GDPD5: variants seen among roughly 807,000 people sequenced by gnomAD.
GDPD5 encodes the protein glycerophosphodiester phosphodiesterase 2.
A neutral mutation model predicts 75.1 loss-of-function variants in GDPD5; 48 were observed. That is an observed-to-expected ratio of 0.64 (90% CI 0.51 to 0.81). The LOEUF is 0.81. Among genes scored for constraint, GDPD5 ranks in the 40% least tolerant of loss-of-function variants. The probability of loss-of-function intolerance (pLI) is 0.00; values close to 1 mark genes in which losing one functional copy is unlikely to be tolerated. For missense variants in GDPD5, 706 were observed against 822.6 expected, an observed-to-expected ratio of 0.86 and a Z score of 1.73; for synonymous variants, 336 against 339.0, an observed-to-expected ratio of 0.99 and a Z score of 0.10.
intron 1 of GDPD5, among the ~76,000 whole-genome samples, chr11:75,493,787 C>T (rs1950158546): frequency 6.6e-6 from 1 of 152,206 alleles, no homozygotes; most frequent in African/African-American, 2.4e-5. Context: ...AAGCAAGCAT[C>T]TCTATTCCGG....
chr11:75,481,851 T>C (rs1429752354), intron 2 of GDPD5, among the ~76,000 whole-genome samples: 1 of 152,106 alleles, frequency 6.6e-6, no homozygotes, highest in Non-Finnish European at 1.5e-5. Context: ...ATTGACTTGC[T>C]CTGTGGCTGG....
intron 1 of GDPD5, among the ~76,000 whole-genome samples, chr11:75,505,146 A>C (rs1179778276): frequency 6.6e-6 from 1 of 151,612 alleles, no homozygotes; most frequent in Non-Finnish European, 1.5e-5. Flanking sequence ...AACAAAAAAA[A>C]CCTCTCACTC....
Position 75,439,902 on chromosome 11 carries a change from G to A in GDPD5, c.1533C>T (p.Ile511=), listed in dbSNP as rs200781096. ...ACTTCTGGAGCACGAAGATGCCCACGATGAGGGTGAAGGAGACCAGGTCGG... is the reference window on the plus strand; with the variant it reads ...ACTTCTGGAGCACGAAGATGCCCACAATGAGGGTGAAGGAGACCAGGTCGG... The part of the protein sequence containing the change: ...VTADLVSFTL[I]VGIFVLQKWR... Residue 511 remains isoleucine, a synonymous_variant, in exon 15 of 17, where the codon ATC becomes ATT. Transcript: ENST00000336898. 112 of 1,613,950 alleles carry A rather than the reference G, an allele frequency of 6.9e-5. No homozygotes were observed. Among genetic ancestry groups the A allele is most frequent in the African/African-American group, 3.5e-4 (26 of 75,048 alleles).
At chr11:75,442,318 C>T in intron 12 of GDPD5, 45 bp downstream of exon 12, 3 of 1,446,834 alleles carry the variant, frequency 2.1e-6, no homozygotes, top group Non-Finnish European at 2.8e-6. Context: ...AGGGCTCTAG[C>T]CAGGCCAGGG....
Position 75,446,702 on chromosome 11 carries a change from A to G in GDPD5, c.715-2207T>C, listed in dbSNP as rs138928953. ...GCACTTGGGCTCACCACACACAGAC[A>G]TGTGGACCCAGAGTCAGAGCCCCCC... On this transcript the variant is annotated intron_variant, in intron 9 of 16. Coordinates refer to ENST00000336898, the MANE Select transcript of GDPD5 (RefSeq NM_030792.8). 4.8e-3 allele frequency among the ~76,000 whole-genome samples: 730 copies of G among 152,278 alleles called. 3 individuals are homozygous for G. Among genetic ancestry groups the G allele is most frequent in the Non-Finnish European group, 8.0e-3 (544 of 68,012 alleles).
chr11:75,500,495 G>A (rs1208992577), intron 1 of GDPD5, among the ~76,000 whole-genome samples: 1 of 151,946 alleles, frequency 6.6e-6, no homozygotes, highest in Non-Finnish European at 1.5e-5. Context: ...CAGCCCCTTC[G>A]CTGGATCCTC....
chr11:75,449,126 C>A lies in GDPD5; in HGVS notation c.569-4G>T. ...CAGAGAATGGTCACCTGGGAGGCTG[C>A]AGATAAGGGGCCGTGAGTGCTGCCT... On this transcript the variant is annotated splice_polypyrimidine_tract_variant and splice_region_variant and intron_variant, in intron 8 of 16. Transcript: ENST00000336898. 6.3e-7 allele frequency: 1 copy of A among 1,575,868 alleles called. No homozygotes were observed. Among genetic ancestry groups the A allele is most frequent in the Non-Finnish European group, 8.6e-7 (1 of 1,160,944 alleles).
intron 5 of GDPD5, 111 bp from the exon 6 acceptor site, chr11:75,456,927 G>C: frequency 9.5e-7 from 1 of 1,048,052 alleles, no homozygotes; most frequent in Non-Finnish European, 1.5e-6. Context: ...CCTGGGCAGA[G>C]GCAGCGAACC....
At chr11:75,503,176 T>C (rs978086116) in intron 1 of GDPD5, among the ~76,000 whole-genome samples, 1 of 152,158 alleles carries the variant, frequency 6.6e-6, no homozygotes, top group Non-Finnish European at 1.5e-5. Context: ...TGCACCACCA[T>C]GCCCAGCTAA....
chr11:75,512,225 A>T (rs1014309953), intron 1 of GDPD5, among the ~76,000 whole-genome samples: 24 of 145,748 alleles, frequency 1.6e-4, no homozygotes, highest in Non-Finnish European at 1.5e-5. Flanking sequence ...CAATTCTAGT[A>T]AGGTCAATTG....
chr11:75,441,175 G>T lies in GDPD5; in HGVS notation c.1461C>A (p.Pro487=), dbSNP rs141517035. The change falls in exon 14 of 17, where the codon CCC becomes CCA. Residue 487 remains proline (P), a synonymous_variant. Coordinates refer to ENST00000336898, the MANE Select transcript of GDPD5 (RefSeq NM_030792.8). ...NSHALSQVPS[P]LWIMPPDEYC... ...CCCCCCAACTCACCATGATCCAGAG[G>T]GGGGAAGGCACCTGGGACAGGGCGT... 3.3e-5 allele frequency: 54 copies of T among 1,613,786 alleles called. No individual in the cohort carries two copies. Among genetic ancestry groups the T allele is most frequent in the South Asian group, 9.9e-5 (9 of 91,072 alleles).
chr11:75,435,665 CAGAG>C lies in GDPD5; in HGVS notation c.1670-14_1670-11del. On this transcript the variant is annotated splice_polypyrimidine_tract_variant and intron_variant, in intron 16 of 16. Coordinates refer to ENST00000336898, the MANE Select transcript of GDPD5 (RefSeq NM_030792.8). Reference sequence around the variant, plus strand: ...ACACCATCGCTGATCTCTGCTGGGCCAGAGGGAGACAGAATGTGAGTCGGGGAGG... The same window carrying C: ...ACACCATCGCTGATCTCTGCTGGGCCGGAGACAGAATGTGAGTCGGGGAGG... 1 of 1,584,060 alleles carries C rather than the reference CAGAG, an allele frequency of 6.3e-7. No individual in the cohort carries two copies. The highest frequency in any genetic ancestry group is 1.1e-5 in the South Asian group (1 of 87,360).
At chr11:75,505,299 G>A (rs1235507839) in intron 1 of GDPD5, among the ~76,000 whole-genome samples, 2 of 152,082 alleles carry the variant, frequency 1.3e-5, no homozygotes, top group Admixed American at 1.3e-4. Flanking sequence ...TGGACCTTTG[G>A]CCCCTGCCTC....
At chr11:75,471,403 A>C (rs570035585) in intron 3 of GDPD5, among the ~76,000 whole-genome samples, 3 of 152,284 alleles carry the variant, frequency 2.0e-5, no homozygotes, top group African/African-American at 7.2e-5. Context: ...TTTCTGGACT[A>C]CAGAGAGCTG....
intron 11 of GDPD5, 54 bp from the exon 12 acceptor site, chr11:75,442,635 C>G (rs1948855785): frequency 2.6e-6 from 4 of 1,538,694 alleles, no homozygotes; most frequent in African/African-American, 2.7e-5. Flanking sequence ...TTGGGGGCCC[C>G]CACATACCCT....
chr11:75,525,663 G>C lies in GDPD5; in HGVS notation c.-598C>G, dbSNP rs1941640036. 1 of 151,384 alleles carries C rather than the reference G, an allele frequency of 6.6e-6. No homozygotes were observed. Among genetic ancestry groups the C allele is most frequent in the Non-Finnish European group, 1.5e-5 (1 of 67,796 alleles). The allele number at this position is 151,384 out of a possible 1,614,324, so 9.4% of individuals were successfully genotyped here. ...GGGGCTCCGCGCGTCCCGGCCGCAC[G>C]CCCCGAACCGCGGGGCTGGGACGGG... On this transcript the variant is annotated 5_prime_UTR_variant, in exon 1 of 17. Transcript: ENST00000336898.
intron 1 of GDPD5, among the ~76,000 whole-genome samples, chr11:75,522,918 C>T (rs933730020): frequency 3.3e-5 from 5 of 152,048 alleles, no homozygotes; most frequent in African/African-American, 7.2e-5. Flanking sequence ...AGCCCCTTGC[C>T]GGTGTCCCCA....
chr11:75,459,693 C>G (rs1489163376), intron 4 of GDPD5, among the ~76,000 whole-genome samples: 3 of 151,892 alleles, frequency 2.0e-5, no homozygotes, highest in African/African-American at 7.3e-5. Flanking sequence ...ACCTGTAGTT[C>G]CAGCTACTTG....
intron 3 of GDPD5, among the ~76,000 whole-genome samples, chr11:75,475,214 G>A (rs1439042756): frequency 1.3e-5 from 2 of 152,228 alleles, no homozygotes; most frequent in African/African-American, 2.4e-5. Flanking sequence ...TTTCACAGAT[G>A]AGACTCAGGG....
Sources: allele counts gnomAD v4.1 joint callset (sites outside exome capture counted in the v4.1 genomes callset), GRCh38; gene constraint gnomAD v4.1.1; transcripts MANE v1.5; gene names NCBI Gene and HGNC (gene_info 2026-07-23, HGNC 2026-07-21).